The following FSIP1 variants were observed in gnomAD, a reference collection of about 807,000 sequenced individuals.
The protein encoded by FSIP1 is fibrous sheath interacting protein 1, also known as fibrous sheath-interacting protein 1.
Under a neutral mutation model 60.9 loss-of-function variants are expected in FSIP1, and 65 were observed. The observed-to-expected ratio is 1.07, with a 90% CI of 0.87 to 1.31. The LOEUF (loss-of-function observed/expected upper bound fraction) is 1.31, where lower values mean the gene tolerates loss of function less well. Among genes scored for constraint, FSIP1 ranks in the 40% most tolerant of loss-of-function variants. FSIP1 has a pLI of 0.00. For synonymous variants in FSIP1, 209 were observed against 221.2 expected (o/e 0.94, Z 0.49); for missense variants, 675 against 665.5 (o/e 1.01, Z -0.16).
In FSIP1 at chr15:39,689,030, C is replaced by G. The variant is rs117271640; in HGVS notation, c.1188+24414G>C. On this transcript the variant is annotated intron_variant, in intron 10 of 11. Transcript: ENST00000350221. ...TAGATACATCCCAGGCCTCTCTGAC[C>G]TGGACTCTCTGACTGACTAATTATA... is the stretch of plus-strand genomic sequence containing the variant. Among the ~76,000 whole-genome samples the G allele has an allele frequency of 1.8e-3, 274 of 152,258 alleles. 3 individuals carry two copies. Among genetic ancestry groups the G allele is most frequent in the Middle Eastern group, 3.4e-3 (1 of 294 alleles).
At chr15:39,659,541 C>CA (rs911774566) in intron 10 of FSIP1, among the ~76,000 whole-genome samples, 2,434 of 61,580 alleles carry the variant, frequency 0.04, 62 homozygotes, top group African/African-American at 0.11. Context: ...GACTCCTCCT[C>CA]AAAAAAAAAA....
At chr15:39,641,835 A>G (rs1035911581) in intron 10 of FSIP1, among the ~76,000 whole-genome samples, 2 of 152,214 alleles carry the variant, frequency 1.3e-5, no homozygotes, top group Non-Finnish European at 2.9e-5. Context: ...AAAAACGGAA[A>G]ACACCAGAGC....
chr15:39,740,822 T>C (rs1896778604), intron 6 of FSIP1, among the ~76,000 whole-genome samples: 1 of 152,004 alleles, frequency 6.6e-6, no homozygotes, highest in Non-Finnish European at 1.5e-5. Context: ...ATCTCTTGAT[T>C]AAAATTCTTT....
chr15:39,599,726 T>C (rs1245289290), downstream of FSIP1, among the ~76,000 whole-genome samples: 1 of 152,114 alleles, frequency 6.6e-6, no homozygotes, highest in African/African-American at 2.4e-5. Flanking sequence ...AAACACAGAG[T>C]GTGCCTCATG....
chr15:39,687,020 C>T (rs565034177), intron 10 of FSIP1, among the ~76,000 whole-genome samples: 1 of 151,852 alleles, frequency 6.6e-6, no homozygotes, highest in African/African-American at 2.4e-5. Flanking sequence ...TTGGCAATCT[C>T]AATCTCTCCT....
chr15:39,677,025 T>C (rs1264406703), intron 10 of FSIP1, among the ~76,000 whole-genome samples: 2 of 152,122 alleles, frequency 1.3e-5, no homozygotes, highest in Non-Finnish European at 2.9e-5. Flanking sequence ...GCAGAAAGTA[T>C]CAAGACACTA....
At chr15:39,632,787 T>A (rs1197158940) in intron 10 of FSIP1, among the ~76,000 whole-genome samples, 1 of 151,806 alleles carries the variant, frequency 6.6e-6, no homozygotes, top group Non-Finnish European at 1.5e-5. Context: ...TGAGACTCTG[T>A]CTCAAAAAAA....
At position 39,713,441 on chromosome 15, in the gene FSIP1, TAC is replaced by T. The variant is rs779660058; in HGVS notation, c.1188+1_1188+2del. 4 of 1,586,622 alleles carry T rather than the reference TAC, an allele frequency of 2.5e-6. No individual in the cohort carries two copies. In the South Asian group the frequency reaches 3.5e-5, roughly 14 times the overall value. On this transcript the variant is annotated splice_donor_variant, in intron 10 of 11. Coordinates refer to ENST00000350221, the MANE Select transcript of FSIP1 (RefSeq NM_152597.5). LOFTEE classifies it high-confidence loss of function. The stretch of plus-strand genomic sequence containing the variant: ...AAAAATTAATTAAAACAAAAAGACT[TAC>T]CACATTTTCCTTCATCATTTTCAGC...
At chr15:39,685,187 G>A (rs1037256609) in intron 10 of FSIP1, among the ~76,000 whole-genome samples, 1 of 152,124 alleles carries the variant, frequency 6.6e-6, no homozygotes, top group Non-Finnish European at 1.5e-5. Flanking sequence ...TAAAGTTTGT[G>A]TTGTTCTGAA....
intron 2 of FSIP1, among the ~76,000 whole-genome samples, chr15:39,775,444 C>G (rs1403597669): frequency 1.3e-5 from 2 of 150,414 alleles, no homozygotes; most frequent in African/African-American, 4.9e-5. Context: ...AATGAGAAAA[C>G]TAATGCTTTA....
intron 2 of FSIP1, among the ~76,000 whole-genome samples, chr15:39,772,975 T>G (rs1897939892): frequency 6.6e-6 from 1 of 152,112 alleles, no homozygotes; most frequent in African/African-American, 2.4e-5. Context: ...ATGAAACCCC[T>G]TACTAGTATT....
chr15:39,768,313 A>T (rs1216895992), intron 3 of FSIP1, among the ~76,000 whole-genome samples: 1 of 152,238 alleles, frequency 6.6e-6, no homozygotes, highest in Non-Finnish European at 1.5e-5. Flanking sequence ...CACAGCTCTC[A>T]AACTTTTTCT....
At chr15:39,759,960 G>C in intron 5 of FSIP1, among the ~76,000 whole-genome samples, 1 of 152,080 alleles carries the variant, frequency 6.6e-6, no homozygotes, top group East Asian at 1.9e-4. Context: ...ACAGGCTCTA[G>C]GGATTTGACA....
At chr15:39,663,282 C>T (rs1192735846) in intron 10 of FSIP1, among the ~76,000 whole-genome samples, 2 of 152,082 alleles carry the variant, frequency 1.3e-5, no homozygotes, top group African/African-American at 2.4e-5. Flanking sequence ...TCTACAGATT[C>T]GCCAACGTTG....
At chr15:39,688,238 TG>T (rs1420832742) in intron 10 of FSIP1, among the ~76,000 whole-genome samples, 4 of 152,166 alleles carry the variant, frequency 2.6e-5, no homozygotes, top group Non-Finnish European at 5.9e-5. Flanking sequence ...CAACTTACAA[TG>T]GGCTTACATC....
At chr15:39,636,113 C>A (rs899850630) in intron 10 of FSIP1, among the ~76,000 whole-genome samples, 1 of 152,232 alleles carries the variant, frequency 6.6e-6, no homozygotes, top group Non-Finnish European at 1.5e-5. Context: ...TATAGTAGTA[C>A]GTGACAGAAT....
Position 39,704,918 on chromosome 15 carries a change from A to C in FSIP1, c.1188+8526T>G, listed in dbSNP as rs547494092. On this transcript the variant is annotated intron_variant, in intron 10 of 11. Transcript: ENST00000350221. ...TTAGAGTGCTAAACATTTTGATGCAATAATGACAATGCAGTTCACCAAACA... is the reference window on the plus strand; with the variant it reads ...TTAGAGTGCTAAACATTTTGATGCACTAATGACAATGCAGTTCACCAAACA... Among the ~76,000 whole-genome samples, 3 of 152,376 alleles carry C rather than the reference A, an allele frequency of 2.0e-5. No individual in the cohort carries two copies. The South Asian group carries it at 6.2e-4, about 32-fold the overall frequency.
At chr15:39,719,822 G>A (rs181175197) in intron 9 of FSIP1, among the ~76,000 whole-genome samples, 83 of 152,276 alleles carry the variant, frequency 5.5e-4, no homozygotes, top group Non-Finnish European at 7.4e-5. Context: ...CTTAACAGAG[G>A]AAAGCAAAGA....
At chr15:39,710,345 T>C (rs1370302156) in intron 10 of FSIP1, among the ~76,000 whole-genome samples, 1 of 150,096 alleles carries the variant, frequency 6.7e-6, no homozygotes, top group Non-Finnish European at 1.5e-5. Flanking sequence ...TAGCTGGTCA[T>C]GGTGGCACAC....
Sources: gnomAD v4.1 joint callset for allele counts (sites outside exome capture counted in the v4.1 genomes callset) on GRCh38, gnomAD v4.1.1 for gene constraint, MANE v1.5 for transcripts, NCBI Gene and HGNC (gene_info 2026-07-23, HGNC 2026-07-21) for gene names.